Variants in COBLL1 observed in about 807,000 individuals in gnomAD.
COBLL1 encodes cordon-bleu WH2 repeat protein like 1.
A neutral mutation model predicts 94.8 loss-of-function variants in COBLL1; 50 were observed. The ratio of observed to expected loss-of-function variants is 0.53; its 90% confidence interval spans 0.42 to 0.67. COBLL1 has a LOEUF of 0.67. Ranked by LOEUF, COBLL1 falls within the 30% of genes least tolerant of loss-of-function variation. COBLL1 has a pLI of 0.00. For synonymous variants in COBLL1, 448 were observed against 473.8 expected (o/e 0.95, Z 0.71); for missense variants, 1,362 against 1,348.7 (o/e 1.01, Z -0.15).
intron 2 of COBLL1, among the ~76,000 whole-genome samples, chr2:164,793,878 T>A (rs570458267): frequency 1.3e-5 from 2 of 152,370 alleles, no homozygotes; most frequent in African/African-American, 2.4e-5. Context: ...ATCATTAGCA[T>A]CATCTATTAG....
intron 2 of COBLL1, among the ~76,000 whole-genome samples, chr2:164,827,502 C>T (rs1352065337): frequency 1.3e-5 from 2 of 152,154 alleles, no homozygotes; most frequent in Non-Finnish European, 2.9e-5. Flanking sequence ...GGATTTCTTG[C>T]ATTTCTGAGA....
At chr2:164,786,819 C>A in intron 2 of COBLL1, among the ~76,000 whole-genome samples, 1 of 152,076 alleles carries the variant, frequency 6.6e-6, no homozygotes, top group East Asian at 1.9e-4. Context: ...GCTTGGTACA[C>A]CATTCTTAAC....
rs545476695 is a variant in COBLL1 at position 164,811,182 on chromosome 2, A to G, written c.41+29974T>C. 5.9e-5 allele frequency among the ~76,000 whole-genome samples: 9 copies of G among 152,066 alleles called. No homozygotes were observed. The South Asian group carries it at 1.7e-3, about 28-fold the overall frequency. On this transcript the variant is annotated intron_variant, in intron 2 of 13. Transcript: ENST00000652658. ...CACACCTTAAAACTATTTTGTTTAC[A>G]TGTTTCTTCTCATGATTTTACAGGA...
chr2:164,751,751 T>G (rs898249761), intron 2 of COBLL1, among the ~76,000 whole-genome samples: 1 of 152,054 alleles, frequency 6.6e-6, no homozygotes, highest in East Asian at 1.9e-4. Context: ...CCCAAAGACA[T>G]GCACATGGAT....
intron 2 of COBLL1, among the ~76,000 whole-genome samples, chr2:164,823,862 A>G (rs1685302756): frequency 6.6e-6 from 1 of 152,306 alleles, no homozygotes; most frequent in South Asian, 2.1e-4. Context: ...ACCTTCACCC[A>G]AACGGAAAAC....
At chr2:164,763,911 G>A (rs1029925677) in intron 2 of COBLL1, among the ~76,000 whole-genome samples, 1 of 152,202 alleles carries the variant, frequency 6.6e-6, no homozygotes, top group Admixed American at 6.5e-5. Flanking sequence ...TTTTCTTTAT[G>A]TTTGAGACAG....
chr2:164,837,010 A>C (rs1683345810), intron 2 of COBLL1, among the ~76,000 whole-genome samples: 1 of 152,242 alleles, frequency 6.6e-6, no homozygotes, highest in Non-Finnish European at 1.5e-5. Flanking sequence ...TCATACAATC[A>C]GTGAAACTTT....
At chr2:164,776,483 TA>T (rs1310306091) in intron 2 of COBLL1, among the ~76,000 whole-genome samples, 5 of 152,180 alleles carry the variant, frequency 3.3e-5, no homozygotes, top group African/African-American at 7.2e-5. Flanking sequence ...TACCTTCTCA[TA>T]AAGATTCTTA....
At chr2:164,757,175 T>C (rs1687451827) in intron 2 of COBLL1, among the ~76,000 whole-genome samples, 1 of 152,222 alleles carries the variant, frequency 6.6e-6, no homozygotes, top group Admixed American at 6.5e-5. Flanking sequence ...CCTAGCACAC[T>C]ATTAAGTATT....
intron 1 of COBLL1, among the ~76,000 whole-genome samples, chr2:164,669,797 G>A (rs1251340276): frequency 6.6e-6 from 1 of 152,224 alleles, no homozygotes; most frequent in Non-Finnish European, 1.5e-5. Flanking sequence ...TTACTCATCT[G>A]TAAATGGGAA....
chr2:164,727,631 T>C (rs973289562), intron 5 of COBLL1, among the ~76,000 whole-genome samples: 2 of 150,724 alleles, frequency 1.3e-5, no homozygotes, highest in African/African-American at 2.4e-5. Context: ...ACTTTATATG[T>C]AAATTTTTAT....
At chr2:164,771,287 T>A (rs1688191146) in intron 2 of COBLL1, among the ~76,000 whole-genome samples, 1 of 152,044 alleles carries the variant, frequency 6.6e-6, no homozygotes, top group Admixed American at 6.6e-5. Flanking sequence ...TCATCTTTAG[T>A]AATTTTAAAC....
At chr2:164,784,945 A>C (rs2105283515) in intron 2 of COBLL1, among the ~76,000 whole-genome samples, 1 of 152,196 alleles carries the variant, frequency 6.6e-6, no homozygotes, top group East Asian at 1.9e-4. Flanking sequence ...GTGGGGCCTA[A>C]TGAGAGATGT....
intron 3 of COBLL1, among the ~76,000 whole-genome samples, chr2:164,739,419 C>G (rs1686483361): frequency 6.6e-6 from 1 of 152,118 alleles, no homozygotes; most frequent in African/African-American, 2.4e-5. Context: ...GGGGACTTTC[C>G]AAAAATATTC....
chr2:164,746,086 C>A, intron 2 of COBLL1, among the ~76,000 whole-genome samples: 1 of 152,194 alleles, frequency 6.6e-6, no homozygotes, highest in South Asian at 2.1e-4. Context: ...AATCACATTT[C>A]TTTCATTTGT....
In COBLL1 at chr2:164,722,159, C is replaced by G; in HGVS notation, c.912G>C (p.Gln304His). Residue 304 changes from glutamine (Q) to histidine (H), a missense_variant, in exon 7 of 14, where the codon CAG (glutamine) becomes CAC (histidine). By Grantham distance (24) the Gln-to-His change is conservative (BLOSUM62 0). Coordinates refer to ENST00000652658, the MANE Select transcript of COBLL1 (RefSeq NM_001365672.2). Reference sequence around the variant, plus strand: ...TGTGTGCAAGGTCTTGGGGGACACTCTGAGATGCTGGCATCGGGGGCAGTG... The same window carrying G: ...TGTGTGCAAGGTCTTGGGGGACACTGTGAGATGCTGGCATCGGGGGCAGTG... The part of the protein sequence containing the change: ...RAPLPPMPAS[Q>H]SVPQDLAHIQ... 6.2e-7 allele frequency: 1 copy of G among 1,614,086 alleles called. No homozygotes were observed. Among genetic ancestry groups the G allele is most frequent in the South Asian group, 1.1e-5 (1 of 91,078 alleles).
chr2:164,768,974 A>G (rs997229438), intron 2 of COBLL1, among the ~76,000 whole-genome samples: 6 of 152,196 alleles, frequency 3.9e-5, no homozygotes, highest in Admixed American at 1.3e-4. Flanking sequence ...AATTCAGATT[A>G]GCAAGTTCAT....
At chr2:164,734,974 T>C (rs968170955) in intron 3 of COBLL1, among the ~76,000 whole-genome samples, 4 of 152,086 alleles carry the variant, frequency 2.6e-5, no homozygotes, top group African/African-American at 9.7e-5. Context: ...GTAAAACTCT[T>C]GGGAGTTTAC....
At chr2:164,751,978 T>G (rs1198086939) in intron 2 of COBLL1, among the ~76,000 whole-genome samples, 2 of 152,168 alleles carry the variant, frequency 1.3e-5, no homozygotes, top group Non-Finnish European at 2.9e-5. Flanking sequence ...AAGAATAATC[T>G]AATTTTTCAT....
Sources: gnomAD v4.1 joint callset for allele counts (sites outside exome capture counted in the v4.1 genomes callset) on GRCh38, gnomAD v4.1.1 for gene constraint, MANE v1.5 for transcripts, NCBI Gene and HGNC (gene_info 2026-07-23, HGNC 2026-07-21) for gene names.